BST1: variants seen among roughly 807,000 people sequenced by gnomAD.
BST1 encodes the protein bone marrow stromal cell antigen 1.
In BST1, 49 loss-of-function variants were observed where a neutral mutation model predicts 40.6. The observed-to-expected ratio is 1.21, with a 90% CI of 0.96 to 1.53. The LOEUF (loss-of-function observed/expected upper bound fraction) is 1.53. Ranked by LOEUF, BST1 falls within the 40% of genes most tolerant of loss-of-function variation. BST1 has a pLI of 0.00. For synonymous variants in BST1, 157 were observed against 159.3 expected (o/e 0.99, Z 0.11); for missense variants, 423 against 395.9 (o/e 1.07, Z -0.58).
At chr4:15,745,938 A>G in the BST1 span, among the ~76,000 whole-genome samples, 7 of 152,230 alleles carry the variant, frequency 4.6e-5, no homozygotes, top group African/African-American at 1.7e-4. Flanking sequence ...GATGTCATAT[A>G]GAATGCTTAG....
intron 8 of BST1, chr4:15,731,116 T>A: frequency 2.3e-6 from 1 of 428,318 alleles, no homozygotes; most frequent in Non-Finnish European, 4.4e-6. Flanking sequence ...CCTTTTCACG[T>A]GGCCAACAGC....
chr4:15,743,171 C>T (rs1318079985), downstream of BST1: 1 of 158,796 alleles, frequency 6.3e-6, no homozygotes, highest in Non-Finnish European at 1.4e-5. Context: ...ATCAAAATTC[C>T]CTTGCATAAT....
chr4:15,739,579 GTGTGTGTGTGTGTGTA>G (rs1165750198), downstream of BST1, among the ~76,000 whole-genome samples: 8 of 149,650 alleles, frequency 5.3e-5, no homozygotes, highest in African/African-American at 2.0e-4. Flanking sequence ...GTGTGTGTGT[GTGTGTGTGTGTGTGTA>G]TTTCTCCCCT....
chr4:15,774,040 AT>A, the BST1 span, among the ~76,000 whole-genome samples: 3 of 152,198 alleles, frequency 2.0e-5, no homozygotes, highest in African/African-American at 7.2e-5. Flanking sequence ...CAAAAAGGTA[AT>A]TAAGTTAAAA....
chr4:15,708,823 C>T (rs1381320826), intron 3 of BST1, among the ~76,000 whole-genome samples: 1 of 152,026 alleles, frequency 6.6e-6, no homozygotes, highest in Non-Finnish European at 1.5e-5. Context: ...GGAGGTTGCA[C>T]TGAGGCGAGA....
intron 8 of BST1, among the ~76,000 whole-genome samples, chr4:15,727,519 A>G (rs942943078): frequency 6.6e-6 from 1 of 152,228 alleles, no homozygotes; most frequent in African/African-American, 2.4e-5. Flanking sequence ...CAAATATACA[A>G]AATTATTTAA....
chr4:15,719,944 C>A (rs759391447), intron 7 of BST1, among the ~76,000 whole-genome samples: 4 of 152,168 alleles, frequency 2.6e-5, no homozygotes, highest in Non-Finnish European at 5.9e-5. Context: ...TTGTTTATCA[C>A]CCCTTTTAAA....
At chr4:15,708,773 C>G (rs147070599) in intron 3 of BST1, among the ~76,000 whole-genome samples, 1 of 151,914 alleles carries the variant, frequency 6.6e-6, no homozygotes, top group African/African-American at 2.4e-5. Flanking sequence ...CACAGCTACT[C>G]GGGAGGCTGA....
At chr4:15,766,231 G>A in the BST1 span, among the ~76,000 whole-genome samples, 1 of 151,920 alleles carries the variant, frequency 6.6e-6, no homozygotes, top group Non-Finnish European at 1.5e-5. Context: ...TCCATGATAC[G>A]AGCTTGTAAT....
At chr4:15,738,374 T>C (rs1055373593), downstream of BST1, 1 of 152,682 alleles carries the variant, frequency 6.5e-6, no homozygotes, top group African/African-American at 2.4e-5. Flanking sequence ...CTATAAGTCA[T>C]TCTTTGATAA....
chr4:15,743,934 A>G, the BST1 span, among the ~76,000 whole-genome samples: 1 of 152,184 alleles, frequency 6.6e-6, no homozygotes, highest in Non-Finnish European at 1.5e-5. Context: ...TTCTTGAGCC[A>G]AGGGATGGGA....
the BST1 span, among the ~76,000 whole-genome samples, chr4:15,755,605 T>C: frequency 1.3e-5 from 2 of 152,208 alleles, no homozygotes; most frequent in African/African-American, 2.4e-5. Context: ...CTCTGTAGTT[T>C]AGCAATGAAT....
the BST1 span, chr4:15,743,562 C>G: frequency 2.8e-6 from 1 of 359,130 alleles, no homozygotes; most frequent in South Asian, 2.3e-5. Context: ...CTGGGAGATG[C>G]TGATGGCACA....
At chr4:15,727,697 C>G (rs550477112) in intron 8 of BST1, among the ~76,000 whole-genome samples, 12 of 152,124 alleles carry the variant, frequency 7.9e-5, no homozygotes, top group African/African-American at 2.9e-4. Context: ...CAATATGTGT[C>G]AAGAATTAGA....
chr4:15,742,824 A>C (rs1294695710), downstream of BST1, among the ~76,000 whole-genome samples: 1 of 152,166 alleles, frequency 6.6e-6, no homozygotes. Flanking sequence ...TGCAGAATGC[A>C]CCTCGAACTG....
downstream of BST1, among the ~76,000 whole-genome samples, chr4:15,741,834 T>A (rs73224677): frequency 1.3e-5 from 2 of 152,010 alleles, no homozygotes; most frequent in African/African-American, 4.8e-5. Context: ...AAGTATTATC[T>A]CACCTTTTAC....
chr4:15,768,870 G>T, the BST1 span, among the ~76,000 whole-genome samples: 1 of 152,274 alleles, frequency 6.6e-6, no homozygotes, highest in African/African-American at 2.4e-5. Context: ...AGCTGCCACA[G>T]ACCCGTACCC....
chr4:15,746,679 C>T, the BST1 span, among the ~76,000 whole-genome samples: 1 of 152,190 alleles, frequency 6.6e-6, no homozygotes, highest in Non-Finnish European at 1.5e-5. Flanking sequence ...TTGGAGGGAA[C>T]ATTCAAACCA....
At chr4:15,750,975 A>C in the BST1 span, among the ~76,000 whole-genome samples, 1 of 152,204 alleles carries the variant, frequency 6.6e-6, no homozygotes, top group African/African-American at 2.4e-5. Flanking sequence ...GGAAATACAA[A>C]GGTGAATCCA....
Sources: allele counts gnomAD v4.1 joint callset (sites outside exome capture counted in the v4.1 genomes callset), GRCh38; gene constraint gnomAD v4.1.1; transcripts MANE v1.5; gene names NCBI Gene and HGNC (gene_info 2026-07-23, HGNC 2026-07-21).